CCDC180: variants seen among roughly 807,000 people sequenced by gnomAD.
CCDC180 encodes the protein coiled-coil domain-containing protein 180.
A neutral mutation model predicts 209.2 loss-of-function variants in CCDC180; 154 were observed. That is an observed-to-expected ratio of 0.74 (90% confidence interval 0.65 to 0.84). The LOEUF (loss-of-function observed/expected upper bound fraction) is 0.84. Among genes scored for constraint, CCDC180 ranks in the 40% least tolerant of loss-of-function variants. The pLI, the probability that CCDC180 is intolerant of heterozygous loss-of-function variation, is 0.00. For synonymous variants in CCDC180, 778 were observed against 749.1 expected (o/e 1.04, Z -0.63); for missense variants, 1,874 against 1,997.3 (o/e 0.94, Z 1.18).
Position 97,350,641 on chromosome 9 carries a change from T to C in CCDC180, c.3002+86T>C, listed in dbSNP as rs58804565. On this transcript the variant is annotated intron_variant, in intron 22 of 36. Transcript: ENST00000529487. ...TTGTTTCCCCCTTAATTTTTAGTTT[T>C]GACAAAATAAACGTAACATCAAACT... The C allele has an allele frequency of 1.6e-3, 2,220 of 1,404,630 alleles. 31 individuals carry two copies. In the African/African-American group the frequency reaches 0.027, roughly 17 times the overall value. 87.0% of individuals were successfully genotyped at this position (1,404,630 alleles called of 1,614,324 possible).
intron 15 of CCDC180, 35 bp from the exon 16 acceptor site, chr9:97,327,985 G>C (rs1833590268): frequency 6.3e-7 from 1 of 1,599,870 alleles, no homozygotes; most frequent in Non-Finnish European, 8.5e-7. Flanking sequence ...GTGGTTCCTA[G>C]CTGGGGTCTC....
chr9:97,365,846 C>T, intron 30 of CCDC180, 107 bp downstream of exon 30: 1 of 954,248 alleles, frequency 1.0e-6, no homozygotes, highest in Non-Finnish European at 1.6e-6. Flanking sequence ...GAGGATTCCA[C>T]CCCCGCCATG....
At position 97,360,063 on chromosome 9, in the gene CCDC180, A is replaced by C. The variant is rs1826706306; in HGVS notation, c.3445A>C (p.Ser1149Arg). The part of the protein sequence containing the change: ...LSQRIQYLNC[S>R]LDRVSMTELV... ...CCAGAGGATTCAGTACCTTAACTGCAGCCTGGACAGGGTGTCCATGACTGA... is the reference window on the plus strand; with the variant it reads ...CCAGAGGATTCAGTACCTTAACTGCCGCCTGGACAGGGTGTCCATGACTGA... The change falls in exon 26 of 37, where the codon AGC becomes CGC. Residue 1149 changes from serine (S) to arginine (R), a missense_variant. Coordinates refer to ENST00000529487, the MANE Select transcript of CCDC180 (RefSeq NM_020893.6). 4.3e-6 allele frequency: 7 copies of C among 1,614,046 alleles called. No individual in the cohort carries two copies. In the East Asian group the frequency reaches 1.6e-4, roughly 36 times the overall value.
intron 26 of CCDC180, 29 bp downstream of exon 26, chr9:97,360,130 G>A (rs1826708396): frequency 1.9e-6 from 3 of 1,608,096 alleles, no homozygotes; most frequent in Non-Finnish European, 2.6e-6. Context: ...TGGCAGGAAA[G>A]GGTGGGTGAG....
chr9:97,317,681 G>A (rs758677457), intron 9 of CCDC180, among the ~76,000 whole-genome samples: 7 of 152,142 alleles, frequency 4.6e-5, no homozygotes, highest in Admixed American at 4.6e-4. Context: ...TCCCTCCCAT[G>A]GGAGGAGGTG....
intron 19 of CCDC180, among the ~76,000 whole-genome samples, chr9:97,344,644 T>C (rs1826194964): frequency 6.6e-6 from 1 of 152,150 alleles, no homozygotes; most frequent in South Asian, 2.1e-4. Flanking sequence ...CAGATATGAA[T>C]CCAGACAGAC....
In CCDC180 at chr9:97,324,047, C is replaced by G. The variant is rs1282329512; in HGVS notation, c.1371+144C>G. On this transcript the variant is annotated intron_variant, in intron 13 of 36. Coordinates refer to ENST00000529487, the MANE Select transcript of CCDC180 (RefSeq NM_020893.6). Reference sequence around the variant, plus strand: ...CCCTTGTCAGCCCCTCTCAGAGTAGCCCCCTTACGCTGGCCACTCCAAGCT... The same window carrying G: ...CCCTTGTCAGCCCCTCTCAGAGTAGGCCCCTTACGCTGGCCACTCCAAGCT... 2.9e-5 allele frequency: 28 copies of G among 963,852 alleles called. No individual in the cohort carries two copies. The Admixed American group carries it at 7.8e-4, about 27-fold the overall frequency. The allele number at this position is 963,852 out of a possible 1,614,324, so 59.7% of individuals were successfully genotyped here.
rs1205544028 is a variant in CCDC180 at position 97,357,535 on chromosome 9, A to G, written c.3265-92A>G. 3 of 800,704 alleles carry G rather than the reference A, an allele frequency of 3.7e-6. No homozygotes were observed. In the East Asian group the frequency reaches 7.7e-5, roughly 21 times the overall value. The allele number at this position is 800,704 out of a possible 1,614,324, so 49.6% of individuals were successfully genotyped here. A position where few individuals can be genotyped will look rare whatever the true frequency, so the allele number is the denominator to read the frequency against. The stretch of plus-strand genomic sequence containing the variant: ...CCTGATTTCATTTTTTTCAGTGCTT[A>G]ATCAGTTTCTCAGATGGTATGTTTC... On this transcript the variant is annotated intron_variant, in intron 24 of 36. Transcript: ENST00000529487.
intron 16 of CCDC180, among the ~76,000 whole-genome samples, chr9:97,329,161 G>A (rs1825652493): frequency 6.6e-6 from 1 of 152,216 alleles, no homozygotes; most frequent in South Asian, 2.1e-4. Context: ...TGCTCCCTGT[G>A]CCACCTAGGT....
intron 28 of CCDC180, chr9:97,363,515 A>G (rs1374045274): frequency 2.0e-6 from 1 of 490,870 alleles, no homozygotes; most frequent in East Asian, 5.7e-5. Context: ...GTTACGAAAC[A>G]AAGTCCATGT....
At position 97,362,349 on chromosome 9, in the gene CCDC180, C is replaced by T; in HGVS notation, c.3810C>T (p.Pro1270=). The T allele has an allele frequency of 6.2e-7, 1 of 1,614,070 alleles. No homozygotes were observed. The highest frequency in any genetic ancestry group is 1.1e-5 in the South Asian group (1 of 91,066). ...CTGTCCTCTGCTCCTGTCCTGGGCC[C>T]TCGTCACCCAAAGGCTTCAAGCGAC... ...SPPVLCSCPG[P]SSPKGFKRHR... The change falls in exon 28 of 37, where the codon CCC becomes CCT. Residue 1270 remains proline, a synonymous_variant. Coordinates refer to ENST00000529487, the MANE Select transcript of CCDC180 (RefSeq NM_020893.6).
chr9:97,349,870 C>T (rs921534560), intron 21 of CCDC180, among the ~76,000 whole-genome samples: 1 of 152,044 alleles, frequency 6.6e-6, no homozygotes, highest in African/African-American at 2.4e-5. Flanking sequence ...AGAGGACACT[C>T]GCAGGGCACT....
chr9:97,374,526 C>G lies in CCDC180; in HGVS notation c.4601-17C>G. On this transcript the variant is annotated splice_polypyrimidine_tract_variant and intron_variant, in intron 34 of 36. Coordinates refer to ENST00000529487, the MANE Select transcript of CCDC180 (RefSeq NM_020893.6). ...TGTCGGTGAGGCTGCAGTCACTAGC[C>G]TGTCTTTTGCCTCTAGGGATGGAGC... 6.3e-7 allele frequency: 1 copy of G among 1,598,918 alleles called. No individual in the cohort carries two copies. Among genetic ancestry groups the G allele is most frequent in the Non-Finnish European group, 8.6e-7 (1 of 1,166,864 alleles).
intron 33 of CCDC180, chr9:97,371,140 A>G (rs1827089414): frequency 6.1e-6 from 1 of 164,980 alleles, no homozygotes; most frequent in Admixed American, 6.1e-5. Context: ...ATTTTTTTGT[A>G]TTTTTAGTAG....
rs1366282701 is a variant in CCDC180, at chr9:97,307,982, G to T, written c.-81-1G>T. On this transcript the variant is annotated splice_acceptor_variant, in intron 1 of 36. Coordinates refer to ENST00000529487, the MANE Select transcript of CCDC180 (RefSeq NM_020893.6). LOFTEE classifies it low-confidence loss of function (5UTR_SPLICE). The stretch of plus-strand genomic sequence containing the variant: ...TGGGACGGGCGATTTCCCAACCTCA[G>T]GAATTGGAATTGAGACACCAAAGCC... 1 of 1,591,604 alleles carries T rather than the reference G, an allele frequency of 6.3e-7. No individual in the cohort carries two copies. Among genetic ancestry groups the T allele is most frequent in the East Asian group, 2.2e-5 (1 of 44,640 alleles).
At chr9:97,372,332 CAG>C (rs1827125061) in intron 34 of CCDC180, 1 of 152,222 alleles carries the variant, frequency 6.6e-6, no homozygotes, top group South Asian at 2.1e-4. Context: ...TGTCAAGAAA[CAG>C]AGACTCTGCA....
In CCDC180 at chr9:97,358,204, C is replaced by G. The variant is rs538097532; in HGVS notation, c.3363+479C>G. ...TGGCACAATCTCAGCTCACTGCAAC[C>G]TCTGCCTCCGGGTTCAAGTGATTGT... On this transcript the variant is annotated intron_variant, in intron 25 of 36. Transcript: ENST00000529487. 1.7e-4 allele frequency among the ~76,000 whole-genome samples: 25 copies of G among 151,156 alleles called. No homozygotes were observed. The East Asian group carries it at 4.1e-3, about 25-fold the overall frequency.
chr9:97,328,621 C>T (rs1825633421), intron 16 of CCDC180, among the ~76,000 whole-genome samples: 1 of 152,076 alleles, frequency 6.6e-6, no homozygotes, highest in Admixed American at 6.6e-5. Flanking sequence ...CTCCTGCCTG[C>T]TGCCCTTCCT....
At chr9:97,322,772 A>C in intron 11 of CCDC180, 61 bp from the exon 12 acceptor site, 8 of 1,380,480 alleles carry the variant, frequency 5.8e-6, no homozygotes, top group Non-Finnish European at 8.2e-6. Flanking sequence ...CAAAGGGGAC[A>C]CTCCCCTTTC....
Sources: gnomAD v4.1 joint callset for allele counts (sites outside exome capture counted in the v4.1 genomes callset) on GRCh38, gnomAD v4.1.1 for gene constraint, MANE v1.5 for transcripts, NCBI Gene and HGNC (gene_info 2026-07-23, HGNC 2026-07-21) for gene names.